Variants in SLC68A1 observed in about 807,000 individuals in gnomAD.
SLC68A1 encodes solute carrier family 68 member 1.
the SLC68A1 span, chr10:102,473,119 C>T: frequency 6.2e-6 from 4 of 644,562 alleles, no homozygotes; most frequent in Non-Finnish European, 1.1e-5. Flanking sequence ...AGCCACTGCG[C>T]CCAGCCAGGG....
At chr10:102,467,062 G>A in the SLC68A1 span, among the ~76,000 whole-genome samples, 1 of 152,232 alleles carries the variant, frequency 6.6e-6, no homozygotes, top group Non-Finnish European at 1.5e-5. Flanking sequence ...TTTTGAGGTA[G>A]AGTCTTGCTC....
chr10:102,470,043 C>T, the SLC68A1 span: 7 of 1,614,080 alleles, frequency 4.3e-6, no homozygotes, highest in South Asian at 1.1e-5. Flanking sequence ...TCGGTTGGCT[C>T]AGTGACCGGC....
At chr10:102,464,856 C>T in the SLC68A1 span, among the ~76,000 whole-genome samples, 25 of 151,434 alleles carry the variant, frequency 1.7e-4, no homozygotes, top group African/African-American at 5.3e-4. Context: ...TAGTGGCTCA[C>T]ACCTGTAATC....
chr10:102,472,045 C>T, the SLC68A1 span: 1 of 455,820 alleles, frequency 2.2e-6, no homozygotes, highest in East Asian at 7.0e-5. Context: ...CGCCTGTAAT[C>T]CCAGCACTTC....
the SLC68A1 span, among the ~76,000 whole-genome samples, chr10:102,475,430 G>A: frequency 6.6e-6 from 1 of 152,182 alleles, no homozygotes; most frequent in African/African-American, 2.4e-5. Flanking sequence ...TGGCAGGTGG[G>A]ATACGTTTTG....
the SLC68A1 span, chr10:102,470,879 G>T: frequency 3.7e-6 from 6 of 1,613,098 alleles, no homozygotes; most frequent in Middle Eastern, 1.6e-4. Flanking sequence ...GGCCCTCTCA[G>T]CCCACGACCG....
At chr10:102,463,627 TG>T in the SLC68A1 span, among the ~76,000 whole-genome samples, 2 of 130,000 alleles carry the variant, frequency 1.5e-5, no homozygotes, top group Non-Finnish European at 3.3e-5. Context: ...GGGCAGGGTG[TG>T]GGGGGGATGA....
At chr10:102,469,033 G>C in the SLC68A1 span, 1 of 1,612,344 alleles carries the variant, frequency 6.2e-7, no homozygotes, top group Non-Finnish European at 8.5e-7. Context: ...TGCAGCCATG[G>C]GGCTGGGTCA....
chr10:102,476,803 T>C, the SLC68A1 span: 1 of 985,854 alleles, frequency 1.0e-6, no homozygotes, highest in Non-Finnish European at 1.2e-6. Flanking sequence ...GCCGCTGTGG[T>C]GGACTCAGGA....
the SLC68A1 span, chr10:102,473,742 G>C: frequency 1.2e-6 from 2 of 1,611,900 alleles, no homozygotes; most frequent in Non-Finnish European, 1.7e-6. Context: ...TCATTGCCAG[G>C]TATGCCCCTG....
the SLC68A1 span, chr10:102,471,993 A>C: frequency 6.6e-6 from 3 of 455,858 alleles, no homozygotes; most frequent in South Asian, 4.7e-5. Flanking sequence ...ACCCTCTAAC[A>C]ATCTTTTTAA....
chr10:102,473,601 C>T, the SLC68A1 span: 1 of 1,612,924 alleles, frequency 6.2e-7, no homozygotes, highest in Admixed American at 1.7e-5. Flanking sequence ...ATCTCAACAA[C>T]CTCTACTTCC....
At chr10:102,466,543 C>T in the SLC68A1 span, among the ~76,000 whole-genome samples, 38 of 151,934 alleles carry the variant, frequency 2.5e-4, no homozygotes, top group South Asian at 1.0e-3. Context: ...GAGGAAACTC[C>T]GGCCCAGAAG....
the SLC68A1 span, chr10:102,473,582 T>C: frequency 6.2e-7 from 1 of 1,608,636 alleles, no homozygotes; most frequent in Non-Finnish European, 8.5e-7. Context: ...CTCTCCTATG[T>C]CGCTCCCCAT....
chr10:102,469,072 A>C, the SLC68A1 span: 1 of 1,613,840 alleles, frequency 6.2e-7, no homozygotes, highest in African/African-American at 1.3e-5. Context: ...GGGTCTGCCC[A>C]CAGCTGTGGT....
chr10:102,475,658 G>A, the SLC68A1 span: 4 of 1,521,290 alleles, frequency 2.6e-6, no homozygotes, highest in Non-Finnish European at 3.5e-6. Context: ...CCATAGACTT[G>A]GAGGGCACCA....
the SLC68A1 span, chr10:102,470,643 A>G: frequency 1.3e-6 from 2 of 1,599,084 alleles, no homozygotes; most frequent in Non-Finnish European, 1.7e-6. Context: ...GCATCTCCCA[A>G]CAACTCTCCT....
the SLC68A1 span, among the ~76,000 whole-genome samples, chr10:102,467,837 T>C: frequency 6.6e-6 from 1 of 152,122 alleles, no homozygotes; most frequent in African/African-American, 2.4e-5. Flanking sequence ...TTTGTATTTT[T>C]AGTAGAGACG....
At chr10:102,473,611 C>T in the SLC68A1 span, 2 of 1,613,636 alleles carry the variant, frequency 1.2e-6, no homozygotes, top group East Asian at 4.5e-5. Context: ...CCTCTACTTC[C>T]TGTCCCTGTG....
Sources: allele counts gnomAD v4.1 joint callset (sites outside exome capture counted in the v4.1 genomes callset), GRCh38; gene constraint gnomAD v4.1.1; transcripts MANE v1.5; gene names NCBI Gene and HGNC (gene_info 2026-07-23, HGNC 2026-07-21).